Variants in SPOCK3 observed in about 807,000 individuals in gnomAD.
SPOCK3 encodes the protein testican-3.
Under a neutral mutation model 56.6 loss-of-function variants are expected in SPOCK3, and 30 were observed. The ratio of observed to expected loss-of-function variants is 0.53; its 90% CI spans 0.40 to 0.72. The LOEUF is 0.72. Ranked by LOEUF, SPOCK3 falls within the 30% of genes least tolerant of loss-of-function variation. The pLI, the probability that SPOCK3 is intolerant of heterozygous loss-of-function variation, is 0.00. For synonymous variants in SPOCK3, 196 were observed against 183.3 expected (o/e 1.07, Z -0.56); for missense variants, 527 against 530.0 (o/e 0.99, Z 0.06).
chr4:167,078,377 G>C lies in SPOCK3; in HGVS notation c.190-15840C>G, dbSNP rs79396396. On this transcript the variant is annotated intron_variant, in intron 2 of 10. Coordinates refer to ENST00000357545, the MANE Select transcript of SPOCK3 (RefSeq NM_001040159.2). Reference sequence around the variant, plus strand: ...GTGTGTGTGTGTGTGTGTTTGCAGAGGGATCTGGAATGTTGGGAAGGAATG... The same window carrying C: ...GTGTGTGTGTGTGTGTGTTTGCAGACGGATCTGGAATGTTGGGAAGGAATG... 1.6e-4 allele frequency among the ~76,000 whole-genome samples: 23 copies of C among 142,490 alleles called. No individual in the cohort carries two copies. In the East Asian group the frequency reaches 4.3e-3, roughly 27 times the overall value. The allele number at this position is 142,490 out of a possible 152,430, so 93.5% of individuals were successfully genotyped here.
chr4:167,036,475 C>CA (rs781678197), intron 3 of SPOCK3, among the ~76,000 whole-genome samples: 8 of 152,096 alleles, frequency 5.3e-5, no homozygotes, highest in Non-Finnish European at 7.4e-5. Flanking sequence ...AAGAAATACA[C>CA]AAAAAAACAA....
At chr4:166,850,074 C>T (rs1251723790) in intron 6 of SPOCK3, among the ~76,000 whole-genome samples, 1 of 152,170 alleles carries the variant, frequency 6.6e-6, no homozygotes, top group Non-Finnish European at 1.5e-5. Flanking sequence ...TGAGACTCTG[C>T]TTTCATTTTT....
intron 7 of SPOCK3, among the ~76,000 whole-genome samples, chr4:166,779,066 G>T (rs950161898): frequency 1.3e-5 from 2 of 152,122 alleles, no homozygotes; most frequent in African/African-American, 4.8e-5. Flanking sequence ...AATCACCTCT[G>T]CTAAGACTAG....
In SPOCK3 at chr4:166,734,738, A is replaced by T. The variant is rs905299768; in HGVS notation, c.*183T>A. ...TTTGTGTAAGGAATATAAAAACTCA[A>T]AGCAAATGATTCTTATTTAAACATA... On this transcript the variant is annotated 3_prime_UTR_variant, in exon 11 of 11. Coordinates refer to ENST00000357545, the MANE Select transcript of SPOCK3 (RefSeq NM_001040159.2). The T allele has an allele frequency of 2.0e-5, 11 of 539,832 alleles. No homozygotes were observed. Among genetic ancestry groups the T allele is most frequent in the African/African-American group, 5.9e-5 (3 of 50,538 alleles). 33.4% of individuals were successfully genotyped at this position (539,832 alleles called of 1,614,324 possible).
chr4:167,210,095 C>T (rs542982691), intron 2 of SPOCK3, among the ~76,000 whole-genome samples: 45 of 152,244 alleles, frequency 3.0e-4, no homozygotes, highest in African/African-American at 9.9e-4. Flanking sequence ...AACTTCAGAT[C>T]CTAGTCCTAA....
intron 4 of SPOCK3, among the ~76,000 whole-genome samples, chr4:166,970,369 T>C (rs549699706): frequency 8.5e-5 from 13 of 152,332 alleles, no homozygotes; most frequent in African/African-American, 2.9e-4. Context: ...CTAACATCAA[T>C]GTACCACCAC....
At chr4:166,971,927 A>C (rs532780847) in intron 4 of SPOCK3, among the ~76,000 whole-genome samples, 1 of 152,278 alleles carries the variant, frequency 6.6e-6, no homozygotes, top group East Asian at 1.9e-4. Context: ...CCAAGGCACA[A>C]GGTACAGTGT....
intron 2 of SPOCK3, among the ~76,000 whole-genome samples, chr4:167,207,269 T>C (rs1052473386): frequency 1.2e-4 from 18 of 152,006 alleles, no homozygotes; most frequent in African/African-American, 4.3e-4. Flanking sequence ...AACTATTACT[T>C]TGACAAAATA....
At chr4:166,805,575 G>A (rs1743076190) in intron 6 of SPOCK3, among the ~76,000 whole-genome samples, 1 of 152,084 alleles carries the variant, frequency 6.6e-6, no homozygotes, top group Admixed American at 6.6e-5. Context: ...AGGTTAGACA[G>A]TAATCAAAAA....
intron 3 of SPOCK3, among the ~76,000 whole-genome samples, chr4:167,006,275 C>G (rs1749462839): frequency 1.3e-5 from 2 of 152,134 alleles, no homozygotes; most frequent in South Asian, 4.1e-4. Flanking sequence ...AATTACAAAA[C>G]CTGAATAATT....
At chr4:166,765,136 G>C (rs896223923) in intron 7 of SPOCK3, among the ~76,000 whole-genome samples, 16 of 152,084 alleles carry the variant, frequency 1.1e-4, no homozygotes, top group African/African-American at 3.4e-4. Flanking sequence ...CCATTCTGTA[G>C]GTTGCCTGTT....
intron 2 of SPOCK3, among the ~76,000 whole-genome samples, chr4:167,153,631 T>C (rs1764586390): frequency 6.6e-6 from 1 of 152,194 alleles, no homozygotes; most frequent in African/African-American, 2.4e-5. Flanking sequence ...TCTATATCAT[T>C]ACCTTAAAAA....
chr4:166,787,663 G>C (rs2126639414), intron 7 of SPOCK3, among the ~76,000 whole-genome samples: 1 of 152,170 alleles, frequency 6.6e-6, no homozygotes, highest in South Asian at 2.1e-4. Flanking sequence ...GGGTTACTAA[G>C]AATAACTCTG....
At chr4:167,204,648 G>A (rs1170440832) in intron 2 of SPOCK3, among the ~76,000 whole-genome samples, 1 of 151,880 alleles carries the variant, frequency 6.6e-6, no homozygotes, top group Non-Finnish European at 1.5e-5. Flanking sequence ...TGGAGACACA[G>A]AGCCAGACCA....
intron 2 of SPOCK3, among the ~76,000 whole-genome samples, chr4:167,082,774 G>A (rs1204403364): frequency 6.9e-6 from 1 of 145,700 alleles, no homozygotes; most frequent in African/African-American, 2.5e-5. Context: ...GAGGGAGGGA[G>A]GGAGGGAAGG....
At chr4:167,056,598 G>C (rs1163676885) in intron 3 of SPOCK3, among the ~76,000 whole-genome samples, 2 of 152,048 alleles carry the variant, frequency 1.3e-5, no homozygotes, top group Non-Finnish European at 2.9e-5. Flanking sequence ...TAAAGGAGCT[G>C]ATGGAGCTGA....
chr4:166,995,421 C>G (rs115029495), intron 4 of SPOCK3, among the ~76,000 whole-genome samples: 1 of 151,932 alleles, frequency 6.6e-6, no homozygotes, highest in African/African-American at 2.4e-5. Context: ...TGCAAACCTT[C>G]GTCATCCTAA....
chr4:167,084,664 A>G (rs533132711), intron 2 of SPOCK3, among the ~76,000 whole-genome samples: 7 of 152,122 alleles, frequency 4.6e-5, no homozygotes, highest in Non-Finnish European at 8.8e-5. Context: ...GATCCACACT[A>G]AAGGAGCTTA....
chr4:166,831,463 A>G (rs2126795184), intron 6 of SPOCK3, among the ~76,000 whole-genome samples: 1 of 152,276 alleles, frequency 6.6e-6, no homozygotes, highest in South Asian at 2.1e-4. Flanking sequence ...TTATTAAACT[A>G]TATAGGATAA....
Sources: gnomAD v4.1 joint callset for allele counts (sites outside exome capture counted in the v4.1 genomes callset) on GRCh38, gnomAD v4.1.1 for gene constraint, MANE v1.5 for transcripts, NCBI Gene and HGNC (gene_info 2026-07-23, HGNC 2026-07-21) for gene names.